SIK2: variants seen among roughly 807,000 people sequenced by gnomAD.
SIK2 encodes salt inducible kinase 2, also known as serine/threonine-protein kinase SIK2.
In SIK2, 29 loss-of-function variants were observed where a neutral mutation model predicts 103.2. The observed-to-expected ratio is 0.28, with a 90% CI of 0.21 to 0.38. The LOEUF (loss-of-function observed/expected upper bound fraction) is 0.38, where lower values mean the gene tolerates loss of function less well. Ranked by LOEUF, SIK2 falls within the 10% of genes least tolerant of loss-of-function variation. SIK2 has a pLI of 1.00. For synonymous variants in SIK2, 412 were observed against 446.1 expected, an observed-to-expected ratio of 0.92 and a Z score of 0.96; for missense variants, 879 against 1,171.0, an observed-to-expected ratio of 0.75 and a Z score of 3.64.
At chr11:111,607,500 T>G (rs1049670029) in intron 1 of SIK2, among the ~76,000 whole-genome samples, 1 of 152,220 alleles carries the variant, frequency 6.6e-6, no homozygotes, top group Admixed American at 6.5e-5. Context: ...GCTTTAAAAT[T>G]TTAAGACTCC....
intron 1 of SIK2, among the ~76,000 whole-genome samples, chr11:111,603,562 C>G (rs1163585391): frequency 6.6e-6 from 1 of 152,074 alleles, no homozygotes; most frequent in African/African-American, 2.4e-5. Flanking sequence ...TCTAATGCAC[C>G]GCACATACTC....
chr11:111,692,919 T>C (rs1418033539), intron 4 of SIK2, among the ~76,000 whole-genome samples: 2 of 152,232 alleles, frequency 1.3e-5, no homozygotes, highest in East Asian at 3.9e-4. Context: ...AGCACAAAAT[T>C]AAAATATTTT....
At chr11:111,680,626 A>G (rs916875180) in intron 3 of SIK2, among the ~76,000 whole-genome samples, 1 of 152,210 alleles carries the variant, frequency 6.6e-6, no homozygotes. Context: ...AGGCTTAAAG[A>G]TAGTCATGCA....
At chr11:111,706,959 C>CAAAA (rs763828886) in intron 8 of SIK2, among the ~76,000 whole-genome samples, 65 of 52,088 alleles carry the variant, frequency 1.2e-3, no homozygotes, top group African/African-American at 3.9e-3. Flanking sequence ...GACTCCGTCT[C>CAAAA]AAAAAAAAAA....
At chr11:111,625,175 AT>A (rs1025567336) in intron 3 of SIK2, among the ~76,000 whole-genome samples, 6 of 152,138 alleles carry the variant, frequency 3.9e-5, no homozygotes, top group Admixed American at 2.6e-4. Flanking sequence ...TTAGGGAACC[AT>A]TTTCGGCTGG....
In SIK2 at chr11:111,725,402, T is replaced by C. The variant is rs1057498870; in HGVS notation, c.*1273T>C. ...ATTTAAGCAGATCATCTGCCAAACATTATATTACTAATAAAACTTAACCAA... is the reference window on the plus strand; with the variant it reads ...ATTTAAGCAGATCATCTGCCAAACACTATATTACTAATAAAACTTAACCAA... On this transcript the variant is annotated 3_prime_UTR_variant, in exon 15 of 15. Coordinates refer to ENST00000304987, the MANE Select transcript of SIK2 (RefSeq NM_015191.3). The C allele has an allele frequency of 6.6e-6, 1 of 152,596 alleles. No homozygotes were observed. The highest frequency in any genetic ancestry group is 6.5e-5 in the Admixed American group (1 of 15,272). 9.5% of individuals were successfully genotyped at this position (152,596 alleles called of 1,614,324 possible).
chr11:111,653,037 G>A (rs543822552), intron 3 of SIK2, among the ~76,000 whole-genome samples: 6 of 152,254 alleles, frequency 3.9e-5, no homozygotes, highest in Admixed American at 3.3e-4. Flanking sequence ...CCTTGGGTAT[G>A]GGATCCAGGG....
Position 111,721,951 on chromosome 11 carries a change from C to T in SIK2, c.2055+11C>T. The T allele has an allele frequency of 6.4e-7, 1 of 1,567,406 alleles. No individual in the cohort carries two copies. Among genetic ancestry groups the T allele is most frequent in the Non-Finnish European group, 8.6e-7 (1 of 1,157,568 alleles). Reference sequence around the variant, plus strand: ...CAGCACAGACTCCAGGTGGGTCCTTCTCCTTGCGAGTCCACCTCACTCTGC... The same window carrying T: ...CAGCACAGACTCCAGGTGGGTCCTTTTCCTTGCGAGTCCACCTCACTCTGC... On this transcript the variant is annotated intron_variant, in intron 13 of 14. Coordinates refer to ENST00000304987, the MANE Select transcript of SIK2 (RefSeq NM_015191.3).
intron 8 of SIK2, among the ~76,000 whole-genome samples, chr11:111,711,188 G>A (rs531069670): frequency 1.4e-4 from 21 of 149,990 alleles, no homozygotes; most frequent in African/African-American, 4.9e-4. Flanking sequence ...GCGGGATCTT[G>A]GCTCACTGCA....
chr11:111,687,542 T>C (rs1942862316), intron 3 of SIK2, among the ~76,000 whole-genome samples: 1 of 151,220 alleles, frequency 6.6e-6, no homozygotes, highest in Non-Finnish European at 1.5e-5. Flanking sequence ...AAGAAATACT[T>C]CTTCAAAGTC....
intron 3 of SIK2, among the ~76,000 whole-genome samples, chr11:111,628,960 T>C (rs1197457470): frequency 6.6e-6 from 1 of 152,146 alleles, no homozygotes; most frequent in Non-Finnish European, 1.5e-5. Flanking sequence ...TTTATTAGAA[T>C]GGCCATCTGA....
chr11:111,629,627 C>G (rs951600593), intron 3 of SIK2, among the ~76,000 whole-genome samples: 1 of 152,054 alleles, frequency 6.6e-6, no homozygotes. Context: ...TAATTAAATT[C>G]AACCATAAAA....
Position 111,727,916 on chromosome 11 carries a change from G to C in SIK2, c.*3787G>C, listed in dbSNP as rs955291820. The stretch of plus-strand genomic sequence containing the variant: ...TCCTCCAGCCTCTAGTCAAGCCCCA[G>C]GTTCGTAAATATGTTTGTATTACAT... On this transcript the variant is annotated 3_prime_UTR_variant, in exon 15 of 15. Transcript: ENST00000304987. 1.3e-5 allele frequency: 2 copies of C among 152,180 alleles called. No homozygotes were observed. The highest frequency in any genetic ancestry group is 6.5e-5 in the Admixed American group (1 of 15,282). The allele number at this position is 152,180 out of a possible 1,614,324, so 9.4% of individuals were successfully genotyped here. A position where few individuals can be genotyped will look rare whatever the true frequency, so the allele number is the denominator to read the frequency against.
chr11:111,655,317 T>C lies in SIK2; in HGVS notation c.317-32684T>C, dbSNP rs574197902. ...CTCAAGAGGCTGAGAGGCGAGAGAA[T>C]TGCTTGAAACCAGGAGGCGGAGGTT... On this transcript the variant is annotated intron_variant, in intron 3 of 14. Transcript: ENST00000304987. 6.6e-5 allele frequency among the ~76,000 whole-genome samples: 10 copies of C among 152,208 alleles called. No homozygotes were observed. The East Asian group carries it at 1.7e-3, about 27-fold the overall frequency.
intron 3 of SIK2, among the ~76,000 whole-genome samples, chr11:111,625,820 G>A (rs1050123742): frequency 6.6e-6 from 1 of 152,178 alleles, no homozygotes; most frequent in Admixed American, 6.5e-5. Flanking sequence ...AAATGAGGTA[G>A]TAGGTAGAGG....
intron 4 of SIK2, among the ~76,000 whole-genome samples, chr11:111,691,179 A>G (rs1942934240): frequency 6.6e-6 from 1 of 152,124 alleles, no homozygotes; most frequent in Non-Finnish European, 1.5e-5. Flanking sequence ...TCATTGTGTG[A>G]TATCTTAGGT....
intron 3 of SIK2, among the ~76,000 whole-genome samples, chr11:111,658,568 C>T (rs1171726979): frequency 6.6e-6 from 1 of 152,176 alleles, no homozygotes; most frequent in Non-Finnish European, 1.5e-5. Flanking sequence ...CATGGCAAAA[C>T]TCCATCTCTA....
intron 3 of SIK2, among the ~76,000 whole-genome samples, chr11:111,644,991 GC>G (rs566661175): frequency 5.1e-4 from 77 of 152,286 alleles, no homozygotes; most frequent in Non-Finnish European, 9.6e-4. Context: ...CTGTTCATGT[GC>G]AAAGAGTAGA....
intron 3 of SIK2, among the ~76,000 whole-genome samples, chr11:111,648,973 A>C (rs536384142): frequency 6.6e-6 from 1 of 152,240 alleles, no homozygotes; most frequent in South Asian, 2.1e-4. Flanking sequence ...ATGTCTCCCT[A>C]CCAATTATGG....
Sources: gnomAD v4.1 joint callset for allele counts (sites outside exome capture counted in the v4.1 genomes callset) on GRCh38, gnomAD v4.1.1 for gene constraint, MANE v1.5 for transcripts, NCBI Gene and HGNC (gene_info 2026-07-23, HGNC 2026-07-21) for gene names.